ZNF430: variants seen among roughly 807,000 people sequenced by gnomAD.
ZNF430 encodes the protein zinc finger protein 430.
ZNF430 carries 35 observed loss-of-function variants against 56.7 expected under a neutral mutation model. The observed-to-expected ratio is 0.62, with a 90% CI of 0.47 to 0.82. ZNF430 has a LOEUF of 0.82. Ranked by LOEUF, ZNF430 falls within the 40% of genes least tolerant of loss-of-function variation. The pLI is 0.00. For missense variants in ZNF430, 574 were observed against 661.0 expected (o/e 0.87, Z 1.44); for synonymous variants, 212 against 224.3 (o/e 0.94, Z 0.49).
intron 2 of ZNF430, among the ~76,000 whole-genome samples, chr19:21,028,223 T>G (rs537367208): frequency 6.6e-6 from 1 of 152,328 alleles, no homozygotes; most frequent in South Asian, 2.1e-4. Context: ...GTGTGGTTCT[T>G]TAAGCTTTTC....
chr19:21,029,838 G>GC (rs1485932100), intron 2 of ZNF430, among the ~76,000 whole-genome samples: 4 of 152,246 alleles, frequency 2.6e-5, no homozygotes, highest in African/African-American at 9.6e-5. Flanking sequence ...GGTGGCACAT[G>GC]CCTGTAATCC....
In ZNF430 at chr19:21,034,085, G is replaced by A. The variant is rs774033280; in HGVS notation, c.224-1G>A. Reference sequence around the variant, plus strand: ...ATTCATGTTATTTATTTTCAATAAAGCAGGTATTGCTGTTTCTAAGCCAGA... The same window carrying A: ...ATTCATGTTATTTATTTTCAATAAAACAGGTATTGCTGTTTCTAAGCCAGA... On this transcript the variant is annotated splice_acceptor_variant, in intron 3 of 4. Transcript: ENST00000261560. LOFTEE classifies it high-confidence loss of function. The A allele has an allele frequency of 2.5e-6, 4 of 1,609,814 alleles. No homozygotes were observed. In the Admixed American group the frequency reaches 5.0e-5, roughly 20 times the overall value.
chr19:21,057,927 C>A lies in ZNF430; in HGVS notation c.1619C>A (p.Pro540His), dbSNP rs1184134870. Residue 540 changes from proline to histidine, a missense_variant, in exon 5 of 5, where the codon CCC (proline) becomes CAC (histidine). This residue lies in a region of ZNF430 where 213 missense variants were observed against 221.0 expected (regional missense o/e 0.96). Coordinates refer to ENST00000261560, the MANE Select transcript of ZNF430 (RefSeq NM_025189.4). ...AAGGTAATTCATACTGGAGAGAAACCCTACAACTGTGAAGAATACGGCAAA... is the reference window on the plus strand; with the variant it reads ...AAGGTAATTCATACTGGAGAGAAACACTACAACTGTGAAGAATACGGCAAA... ...KHKVIHTGEK[P>H]YNCEEYGKAF... The A allele has an allele frequency of 1.9e-6, 3 of 1,613,444 alleles. No homozygotes were observed. In the East Asian group the frequency reaches 6.7e-5, roughly 36 times the overall value.
intron 2 of ZNF430, among the ~76,000 whole-genome samples, chr19:21,023,381 T>G (rs1967733822): frequency 6.6e-6 from 1 of 152,232 alleles, no homozygotes; most frequent in Non-Finnish European, 1.5e-5. Flanking sequence ...CTCAGTTTTT[T>G]AGCTGTAAAT....
chr19:21,056,850 A>T lies in ZNF430; in HGVS notation c.542A>T (p.Lys181Ile). Reference sequence around the variant, plus strand: ...CAGAGTGAAATATTTCAATATGATAAATATGTGAATGTCTTTTATAAATTT... The same window carrying T: ...CAGAGTGAAATATTTCAATATGATATATATGTGAATGTCTTTTATAAATTT... Reference protein sequence around the residue: ...TTQSEIFQYDKYVNVFYKFSN... With the variant: ...TTQSEIFQYDIYVNVFYKFSN... The change falls in exon 5 of 5, where the codon AAA becomes ATA. Residue 181 changes from lysine to isoleucine, a missense_variant. Physicochemically the swap from Lys to Ile is moderately radical, Grantham distance 102. Transcript: ENST00000261560. 2 of 1,611,736 alleles carry T rather than the reference A, an allele frequency of 1.2e-6. No homozygotes were observed. Among genetic ancestry groups the T allele is most frequent in the Non-Finnish European group, 1.7e-6 (2 of 1,178,856 alleles).
chr19:21,046,652 A>C (rs1392437533), intron 4 of ZNF430, among the ~76,000 whole-genome samples: 1 of 152,084 alleles, frequency 6.6e-6, no homozygotes, highest in Non-Finnish European at 1.5e-5. Context: ...AAGAATGTTG[A>C]GTAGTGGCCC....
intron 2 of ZNF430, among the ~76,000 whole-genome samples, chr19:21,032,406 G>T (rs10406390): frequency 6.6e-6 from 1 of 152,094 alleles, no homozygotes; most frequent in African/African-American, 2.4e-5. Flanking sequence ...CAGTGATGCC[G>T]TGTTCTTCTA....
In ZNF430 at chr19:21,057,837, A is replaced by C. The variant is rs1190585109; in HGVS notation, c.1529A>C (p.Asp510Ala). 1.9e-6 allele frequency: 3 copies of C among 1,613,962 alleles called. No individual in the cohort carries two copies. The African/African-American group carries it at 4.0e-5, about 22-fold the overall frequency. The change falls in exon 5 of 5, where the codon GAT becomes GCT. Residue 510 changes from aspartate (D) to alanine (A), a missense_variant. By Grantham distance (126) the Asp-to-Ala change is moderately radical. Transcript: ENST00000261560. ...AAACATAAGATAACTCATATTGGAG[A>C]TACATCTTACAAATACCTAGAATGT... The part of the protein sequence containing the change: ...LTKHKITHIG[D>A]TSYKYLECDK...
intron 4 of ZNF430, among the ~76,000 whole-genome samples, chr19:21,040,981 A>T (rs1301061041): frequency 1.3e-5 from 2 of 152,152 alleles, no homozygotes; most frequent in African/African-American, 4.8e-5. Flanking sequence ...TCACCCAATT[A>T]TGGTTACTAT....
intron 2 of ZNF430, among the ~76,000 whole-genome samples, chr19:21,024,484 T>C (rs73926912): frequency 1.3e-5 from 2 of 151,836 alleles, no homozygotes; most frequent in South Asian, 4.1e-4. Flanking sequence ...CAAACAAAAT[T>C]AGAAGTTGGA....
intron 2 of ZNF430, among the ~76,000 whole-genome samples, chr19:21,025,730 G>A (rs948567299): frequency 6.7e-6 from 1 of 149,784 alleles, no homozygotes; most frequent in Admixed American, 6.7e-5. Context: ...GGGATTACAG[G>A]CGCCTACCAC....
chr19:21,030,815 G>T (rs1460969657), intron 2 of ZNF430, among the ~76,000 whole-genome samples: 1 of 152,004 alleles, frequency 6.6e-6, no homozygotes, highest in African/African-American at 2.4e-5. Flanking sequence ...CGAGTTTTAA[G>T]CTCATTAAAG....
intron 4 of ZNF430, chr19:21,034,593 A>C (rs1163247401): frequency 6.4e-6 from 1 of 156,088 alleles, no homozygotes; most frequent in African/African-American, 2.4e-5. Context: ...GCTAAAGTGC[A>C]ATGGCACGAT....
intron 2 of ZNF430, among the ~76,000 whole-genome samples, chr19:21,030,868 TG>T (rs1048136551): frequency 0.014 from 603 of 44,640 alleles, 3 homozygotes; most frequent in Middle Eastern, 0.053. Context: ...AGCCCCGTCT[TG>T]TTTTTTTTGT....
chr19:21,049,316 A>G (rs77098204), intron 4 of ZNF430, among the ~76,000 whole-genome samples: 7,080 of 151,578 alleles, frequency 0.047, 538 homozygotes, highest in African/African-American at 0.16. Flanking sequence ...ACAGATTTAT[A>G]TCTTGTATTT....
At chr19:21,031,071 A>G (rs918259470) in intron 2 of ZNF430, among the ~76,000 whole-genome samples, 1 of 152,028 alleles carries the variant, frequency 6.6e-6, no homozygotes, top group African/African-American at 2.4e-5. Flanking sequence ...TTTAGTAGAG[A>G]TGAGGTTACA....
rs950956898 is a variant in ZNF430 at position 21,025,044 on chromosome 19, C to T, written c.96+2163C>T. Among the ~76,000 whole-genome samples, 5 of 151,982 alleles carry T rather than the reference C, an allele frequency of 3.3e-5. No individual in the cohort carries two copies. In the South Asian group the frequency reaches 1.0e-3, roughly 32 times the overall value. On this transcript the variant is annotated intron_variant, in intron 2 of 4. Transcript: ENST00000261560. ...TTCTTATCGGAAAGGGGTCACAATCCACACCCCAAGAGAGGGTTCTTGGAT... is the reference window on the plus strand; with the variant it reads ...TTCTTATCGGAAAGGGGTCACAATCTACACCCCAAGAGAGGGTTCTTGGAT...
In ZNF430 at chr19:21,057,546, C is replaced by T. The variant is rs751411686; in HGVS notation, c.1238C>T (p.Ser413Phe). The T allele has an allele frequency of 6.2e-7, 1 of 1,612,818 alleles. No individual in the cohort carries two copies. The highest frequency in any genetic ancestry group is 8.5e-7 in the Non-Finnish European group (1 of 1,179,844). ...CEECGKGFNW[S>F]STLTKHKRIH... The stretch of plus-strand genomic sequence containing the variant: ...GAATGTGGCAAAGGCTTTAATTGGT[C>T]CTCGACCCTTACTAAACATAAAAGA... Residue 413 changes from serine to phenylalanine, a missense_variant, in exon 5 of 5, where the codon TCC becomes TTC. Ser to Phe is a radical substitution (Grantham distance 155). Coordinates refer to ENST00000261560, the MANE Select transcript of ZNF430 (RefSeq NM_025189.4).
At chr19:21,027,470 G>A (rs577085412) in intron 2 of ZNF430, among the ~76,000 whole-genome samples, 3 of 152,246 alleles carry the variant, frequency 2.0e-5, no homozygotes, top group African/African-American at 7.2e-5. Context: ...GAACCAACTT[G>A]CCTCCCAGAG....
Sources: gnomAD v4.1 joint callset for allele counts (sites outside exome capture counted in the v4.1 genomes callset) on GRCh38, gnomAD v4.1.1 for gene constraint, gnomAD v4.1.1 regional missense constraint, MANE v1.5 for transcripts, NCBI Gene and HGNC (gene_info 2026-07-23, HGNC 2026-07-21) for gene names.